The following SGCD variants were observed in gnomAD, a reference collection of about 807,000 sequenced individuals.
SGCD encodes delta-sarcoglycan.
SGCD carries 18 observed loss-of-function variants against 36.6 expected under a neutral mutation model. The observed-to-expected ratio is 0.49, with a 90% CI of 0.34 to 0.73. The LOEUF (loss-of-function observed/expected upper bound fraction) is 0.73. Among genes scored for constraint, SGCD ranks in the 30% least tolerant of loss-of-function variants. SGCD has a pLI of 0.01. For synonymous variants in SGCD, 133 were observed against 130.6 expected (o/e 1.02, Z -0.12); for missense variants, 387 against 346.7 (o/e 1.12, Z -0.92).
intron 6 of SGCD, among the ~76,000 whole-genome samples, chr5:156,615,476 C>T (rs568047443): frequency 6.6e-5 from 10 of 152,174 alleles, no homozygotes; most frequent in Non-Finnish European, 1.3e-4. Flanking sequence ...TGGTTTGATG[C>T]TTAACTTTTT....
At chr5:155,966,543 G>T (rs183443501) in intron 1 of SGCD, among the ~76,000 whole-genome samples, 72 of 152,244 alleles carry the variant, frequency 4.7e-4, no homozygotes, top group Admixed American at 4.7e-3. Flanking sequence ...TCAACAAGTT[G>T]CAGGAGACTG....
chr5:156,073,715 A>G (rs1760668052), intron 1 of SGCD, among the ~76,000 whole-genome samples: 1 of 152,250 alleles, frequency 6.6e-6, no homozygotes, highest in Admixed American at 6.5e-5. Flanking sequence ...TCTACCCATG[A>G]AGATCATATC....
In SGCD at chr5:156,420,026, C is replaced by T. The variant is rs534679699; in HGVS notation, c.192+75349C>T. Among the ~76,000 whole-genome samples, 7 of 152,258 alleles carry T rather than the reference C, an allele frequency of 4.6e-5. No individual in the cohort carries two copies. The South Asian group carries it at 1.2e-3, about 27-fold the overall frequency. On this transcript the variant is annotated intron_variant, in intron 3 of 8. Coordinates refer to ENST00000337851, the MANE Select transcript of SGCD (RefSeq NM_000337.6). ...CCCCTGTCCTTCACCTCAGCCTCTC[C>T]TTCCAGGGACTTGATAACAGTCCAT... is the stretch of plus-strand genomic sequence containing the variant.
intron 3 of SGCD, among the ~76,000 whole-genome samples, chr5:156,300,430 A>G (rs951121687): frequency 1.3e-5 from 2 of 152,030 alleles, no homozygotes; most frequent in African/African-American, 4.8e-5. Context: ...ATAGTTTCCA[A>G]AATTCCTCTT....
intron 1 of SGCD, among the ~76,000 whole-genome samples, chr5:156,079,497 A>G (rs1364693365): frequency 1.3e-5 from 2 of 152,184 alleles, no homozygotes; most frequent in Non-Finnish European, 2.9e-5. Context: ...AGTTCCTTCC[A>G]TCTGTGAGCC....
intron 3 of SGCD, among the ~76,000 whole-genome samples, chr5:156,461,233 G>A (rs1754476531): frequency 6.6e-6 from 1 of 151,796 alleles, no homozygotes; most frequent in Non-Finnish European, 1.5e-5. Flanking sequence ...GATGTGTATT[G>A]CATTCTTATT....
chr5:156,751,222 T>C lies in SGCD; in HGVS notation c.576-6359T>C, dbSNP rs542034535. Reference sequence around the variant, plus strand: ...AGAGAGCCATAAAGGTATGGGAATATTATTTATGATGGACCTAAATATTGG... The same window carrying C: ...AGAGAGCCATAAAGGTATGGGAATACTATTTATGATGGACCTAAATATTGG... On this transcript the variant is annotated intron_variant, in intron 7 of 8. Coordinates refer to ENST00000337851, the MANE Select transcript of SGCD (RefSeq NM_000337.6). Among the ~76,000 whole-genome samples the C allele has an allele frequency of 2.0e-5, 3 of 152,370 alleles. No homozygotes were observed. The East Asian group carries it at 5.8e-4, about 29-fold the overall frequency.
intron 3 of SGCD, among the ~76,000 whole-genome samples, chr5:156,501,913 CT>C (rs1162109657): frequency 6.6e-6 from 1 of 152,144 alleles, no homozygotes; most frequent in Non-Finnish European, 1.5e-5. Context: ...TGCTATCCCC[CT>C]ATTGGGCTAC....
chr5:156,579,109 G>T (rs1020337391), intron 4 of SGCD, among the ~76,000 whole-genome samples: 2 of 152,074 alleles, frequency 1.3e-5, no homozygotes, highest in Non-Finnish European at 1.5e-5. Flanking sequence ...CTGGTATGTT[G>T]TGTCTTTGTT....
intron 1 of SGCD, among the ~76,000 whole-genome samples, chr5:156,013,622 C>T (rs75895997): frequency 0.051 from 7,822 of 152,088 alleles, 317 homozygotes; most frequent in Middle Eastern, 0.11. Context: ...TTCAGGAATT[C>T]GTAGACCATT....
chr5:156,522,194 G>A (rs59184478), intron 4 of SGCD, among the ~76,000 whole-genome samples: 2 of 151,964 alleles, frequency 1.3e-5, no homozygotes, highest in African/African-American at 4.8e-5. Flanking sequence ...GGCCTGTCAG[G>A]GGGTGGGGGG....
chr5:156,612,316 G>C (rs749785289), intron 6 of SGCD, among the ~76,000 whole-genome samples: 3 of 152,216 alleles, frequency 2.0e-5, no homozygotes, highest in Non-Finnish European at 2.9e-5. Context: ...CATAGCCTCT[G>C]TGCAGTTTCT....
chr5:156,504,592 A>G (rs1335382172), intron 3 of SGCD, among the ~76,000 whole-genome samples: 2 of 152,100 alleles, frequency 1.3e-5, no homozygotes, highest in Non-Finnish European at 1.5e-5. Context: ...TTATTGTAAC[A>G]TGCAACTTTA....
At chr5:156,320,962 T>G (rs1156390702) in intron 3 of SGCD, among the ~76,000 whole-genome samples, 1 of 152,196 alleles carries the variant, frequency 6.6e-6, no homozygotes, top group Non-Finnish European at 1.5e-5. Context: ...TGAAATGAAC[T>G]CTCAAATGAA....
chr5:156,293,240 T>C (rs1296846709), intron 3 of SGCD, among the ~76,000 whole-genome samples: 2 of 152,118 alleles, frequency 1.3e-5, no homozygotes, highest in African/African-American at 4.8e-5. Context: ...CATACCTGGC[T>C]TTGTGGGTTG....
intron 3 of SGCD, among the ~76,000 whole-genome samples, chr5:156,140,672 G>C (rs1762558776): frequency 6.6e-6 from 1 of 152,076 alleles, no homozygotes; most frequent in Non-Finnish European, 1.5e-5. Context: ...GAAAAAATGA[G>C]TTAAAGACAG....
At chr5:155,950,504 T>C (rs1180325605) in intron 1 of SGCD, among the ~76,000 whole-genome samples, 1 of 152,114 alleles carries the variant, frequency 6.6e-6, no homozygotes, top group Non-Finnish European at 1.5e-5. Context: ...GGTTCCCTGA[T>C]TAGTTTAAAT....
intron 1 of SGCD, among the ~76,000 whole-genome samples, chr5:156,026,789 G>GA (rs1472146493): frequency 6.6e-6 from 1 of 152,062 alleles, no homozygotes; most frequent in African/African-American, 2.4e-5. Context: ...GGGTCTTTGG[G>GA]AAAAATCTGA....
chr5:156,048,139 A>G (rs1448232218), intron 1 of SGCD, among the ~76,000 whole-genome samples: 1 of 152,206 alleles, frequency 6.6e-6, no homozygotes, highest in East Asian at 1.9e-4. Context: ...ATGTCCCTAC[A>G]AAGGACATGA....
Sources: allele counts gnomAD v4.1 joint callset (sites outside exome capture counted in the v4.1 genomes callset), GRCh38; gene constraint gnomAD v4.1.1; transcripts MANE v1.5; gene names NCBI Gene and HGNC (gene_info 2026-07-23, HGNC 2026-07-21).